The following PZP variants were observed in gnomAD, a reference collection of about 807,000 sequenced individuals.
PZP encodes the protein pregnancy zone protein.
In PZP, 150 loss-of-function variants were observed where a neutral mutation model predicts 179.8. The ratio of observed to expected loss-of-function variants is 0.83; its 90% confidence interval spans 0.73 to 0.96. The LOEUF is 0.96. Ranked by LOEUF, PZP falls within the 40% of genes least tolerant of loss-of-function variation. The pLI, the probability that PZP is intolerant of heterozygous loss-of-function variation, is 0.00. For synonymous variants in PZP, 624 were observed against 652.3 expected (o/e 0.96, Z 0.66); for missense variants, 1,689 against 1,764.0 (o/e 0.96, Z 0.76).
chr12:9,158,480 C>G lies in PZP; in HGVS notation c.3234G>C (p.Gln1078His). 1.9e-6 allele frequency: 3 copies of G among 1,614,192 alleles called. No individual in the cohort carries two copies. Among genetic ancestry groups the G allele is most frequent in the Non-Finnish European group, 2.5e-6 (3 of 1,180,034 alleles). ...TGAAACAGCCATTGTCCTTCTGCAT[C>G]TGGGAGAGCCACGTGAGAGATTGGG... Reference protein sequence around the residue: ...HITQSLTWLSQMQKDNGCFRS... With the variant: ...HITQSLTWLSHMQKDNGCFRS... Residue 1078 changes from glutamine to histidine, a missense_variant, in exon 26 of 36, where the codon CAG (glutamine) becomes CAC (histidine). By Grantham distance (24) the Gln-to-His change is conservative. Coordinates refer to ENST00000261336, the MANE Select transcript of PZP (RefSeq NM_002864.3).
At chr12:9,155,387 A>G (rs1456409658) in intron 28 of PZP, among the ~76,000 whole-genome samples, 1 of 152,166 alleles carries the variant, frequency 6.6e-6, no homozygotes, top group Non-Finnish European at 1.5e-5. Flanking sequence ...GATGAAATGT[A>G]TAAGGCACCA....
chr12:9,162,103 A>G (rs1055818452), intron 22 of PZP, among the ~76,000 whole-genome samples: 1 of 152,136 alleles, frequency 6.6e-6, no homozygotes. Flanking sequence ...CTGGGACTAC[A>G]GGCGCCCGCC....
At chr12:9,194,527 C>A (rs774055216) in intron 10 of PZP, among the ~76,000 whole-genome samples, 1 of 145,312 alleles carries the variant, frequency 6.9e-6, no homozygotes, top group East Asian at 2.1e-4. Flanking sequence ...TGCAGTGGCG[C>A]GATCTCGGCT....
intron 26 of PZP, 82 bp downstream of exon 26, chr12:9,158,338 C>A: frequency 6.5e-7 from 1 of 1,537,436 alleles, no homozygotes; most frequent in South Asian, 1.2e-5. Context: ...TTTGCAATTT[C>A]CTTGTGCCTC....
In PZP at chr12:9,192,705, T is replaced by C. The variant is rs1470321153; in HGVS notation, c.1289A>G (p.Tyr430Cys). Reference sequence around the variant, plus strand: ...CTGGTGGTCTTCTGCTACCCATGAATAGTGAAAACACAAGTTGGGATGCAC... The same window carrying C: ...CTGGTGGTCTTCTGCTACCCATGAACAGTGAAAACACAAGTTGGGATGCAC... ...FTVHPNLCFH[Y>C]SWVAEDHQGA... Residue 430 changes from tyrosine (Y) to cysteine (C), a missense_variant, in exon 12 of 36, where the codon TAT (tyrosine) becomes TGT (cysteine). Physicochemically the swap from Tyr to Cys is radical, Grantham distance 194. Around this residue, in one of 3 missense-constraint regions of PZP, gnomAD observed 742 missense variants for 730.5 expected, o/e 1.02. Coordinates refer to ENST00000261336, the MANE Select transcript of PZP (RefSeq NM_002864.3). The C allele has an allele frequency of 1.2e-5, 20 of 1,613,328 alleles. No homozygotes were observed. The highest frequency in any genetic ancestry group is 1.7e-4 in the Middle Eastern group (1 of 6,060).
Position 9,163,772 on chromosome 12 carries a change from C to T in PZP, c.2632G>A (p.Val878Met). 6.2e-7 allele frequency: 1 copy of T among 1,611,852 alleles called. No homozygotes were observed. The highest frequency in any genetic ancestry group is 8.5e-7 in the Non-Finnish European group (1 of 1,179,322). The change falls in exon 21 of 36, where the codon GTG becomes ATG. Residue 878 changes from valine (V) to methionine (M), a missense_variant. Val to Met is a conservative substitution (Grantham distance 21, BLOSUM62 1). Transcript: ENST00000261336. ...AAGGACTGCATTGCCTCTGCACTCACTGAGAAGTTCACATTCCCTAAAACA... is the reference window on the plus strand; with the variant it reads ...AAGGACTGCATTGCCTCTGCACTCATTGAGAAGTTCACATTCCCTAAAACA... Reference protein sequence around the residue: ...PKTLGNVNFSVSAEAMQSLEL... With the variant: ...PKTLGNVNFSMSAEAMQSLEL...
At chr12:9,189,614 T>A (rs933928901) in intron 13 of PZP, among the ~76,000 whole-genome samples, 2 of 152,096 alleles carry the variant, frequency 1.3e-5, no homozygotes, top group African/African-American at 4.8e-5. Context: ...CTAAAAACAA[T>A]CTCAACAAAT....
At position 9,159,959 on chromosome 12, in the gene PZP, C is replaced by A; in HGVS notation, c.3116G>T (p.Gly1039Val). Residue 1039 changes from glycine (G) to valine (V), a missense_variant, in exon 25 of 36, where the codon GGC becomes GTC. Transcript: ENST00000261336. ...TTACCAAGTGTTGCCCTGGTTCCTG[C>A]CATATCGTTCCCCAAAGGTGCTGTA... The part of the protein sequence containing the change: ...GSYSTFGERY[G>V]RNQGNTWLTA... The A allele has an allele frequency of 6.2e-7, 1 of 1,613,446 alleles. No individual in the cohort carries two copies. Among genetic ancestry groups the A allele is most frequent in the South Asian group, 1.1e-5 (1 of 91,072 alleles).
chr12:9,173,591 A>C (rs1040997997), intron 15 of PZP, among the ~76,000 whole-genome samples: 1 of 152,150 alleles, frequency 6.6e-6, no homozygotes, highest in Non-Finnish European at 1.5e-5. Flanking sequence ...CTAGACTAAT[A>C]AAGAAGAAAA....
chr12:9,158,453 C>T lies in PZP; in HGVS notation c.3261G>A (p.Arg1087=), dbSNP rs760335229. The change falls in exon 26 of 36, where the codon AGG becomes AGA. Residue 1087 remains arginine (R), a synonymous_variant. Transcript: ENST00000261336. ...CATTGTTGAGCAGTGACCCAGAGCT[C>T]CTGAAACAGCCATTGTCCTTCTGCA... ...SQMQKDNGCF[R]SSGSLLNNAI... is the part of the protein sequence containing the mutation. The T allele has an allele frequency of 1.2e-6, 2 of 1,614,124 alleles. No individual in the cohort carries two copies. The highest frequency in any genetic ancestry group is 2.2e-5 in the South Asian group (2 of 91,082).
intron 15 of PZP, 194 bp from the exon 16 acceptor site, chr12:9,169,785 G>A: frequency 2.2e-6 from 1 of 456,186 alleles, no homozygotes; most frequent in Non-Finnish European, 3.7e-6. Context: ...AACCTACTTG[G>A]GAAAATGCTT....
intron 13 of PZP, among the ~76,000 whole-genome samples, chr12:9,189,641 G>C (rs1943339035): frequency 6.6e-6 from 1 of 152,118 alleles, no homozygotes; most frequent in African/African-American, 2.4e-5. Flanking sequence ...ATTGACAAAT[G>C]GGATCTAATT....
chr12:9,208,046 G>A (rs575607793), intron 1 of PZP, among the ~76,000 whole-genome samples: 15 of 152,160 alleles, frequency 9.9e-5, no homozygotes, highest in Non-Finnish European at 1.3e-4. Flanking sequence ...GTGACTAATC[G>A]TATTTATGAC....
At chr12:9,204,429 A>G (rs1367959081) in intron 1 of PZP, among the ~76,000 whole-genome samples, 1 of 152,254 alleles carries the variant, frequency 6.6e-6, no homozygotes, top group Admixed American at 6.5e-5. Flanking sequence ...ATTTACAGAA[A>G]TTCAACTGAA....
intron 7 of PZP, among the ~76,000 whole-genome samples, chr12:9,197,409 A>G (rs1197974384): frequency 3.5e-5 from 5 of 141,382 alleles, no homozygotes; most frequent in Non-Finnish European, 7.6e-5. Context: ...TTATATTTTA[A>G]TGTTTAATTA....
intron 19 of PZP, among the ~76,000 whole-genome samples, chr12:9,164,520 A>G (rs1941449811): frequency 6.6e-6 from 1 of 152,212 alleles, no homozygotes; most frequent in Non-Finnish European, 1.5e-5. Flanking sequence ...GGAAAGGGAA[A>G]AGCAGTGATT....
chr12:9,179,516 C>T (rs1942619522), intron 15 of PZP, among the ~76,000 whole-genome samples: 1 of 152,160 alleles, frequency 6.6e-6, no homozygotes, highest in South Asian at 2.1e-4. Context: ...ACATTGCTAA[C>T]AAAGGTGTAG....
rs769985944 is a variant in PZP at position 9,166,217 on chromosome 12, A to C, written c.2108-15T>G. 60 of 1,607,058 alleles carry C rather than the reference A, an allele frequency of 3.7e-5. No homozygotes were observed. In the Admixed American group the frequency reaches 1.0e-3, roughly 27 times the overall value. On this transcript the variant is annotated splice_polypyrimidine_tract_variant and intron_variant, in intron 17 of 35. Coordinates refer to ENST00000261336, the MANE Select transcript of PZP (RefSeq NM_002864.3). ...TCCTAGACCTGCTAAAGTAAGAGAA[A>C]ATTGTCTAGTTAGGGAAAAACATTC...
rs1220298973 is a variant in PZP at position 9,154,851 on chromosome 12, G to A, written c.3551-12C>T. ...ATGGACGAGGTTGTCTTAAGGGTGAGAAAAAGGAGATAATTGTAACTCATC... is the reference window on the plus strand; with the variant it reads ...ATGGACGAGGTTGTCTTAAGGGTGAAAAAAAGGAGATAATTGTAACTCATC... On this transcript the variant is annotated splice_polypyrimidine_tract_variant and intron_variant, in intron 28 of 35. Coordinates refer to ENST00000261336, the MANE Select transcript of PZP (RefSeq NM_002864.3). 4 of 1,599,496 alleles carry A rather than the reference G, an allele frequency of 2.5e-6. No homozygotes were observed. Among genetic ancestry groups the A allele is most frequent in the African/African-American group, 1.3e-5 (1 of 74,326 alleles).
Sources: gnomAD v4.1 joint callset for allele counts (sites outside exome capture counted in the v4.1 genomes callset) on GRCh38, gnomAD v4.1.1 for gene constraint, gnomAD v4.1.1 regional missense constraint, MANE v1.5 for transcripts, NCBI Gene and HGNC (gene_info 2026-07-23, HGNC 2026-07-21) for gene names.